The following VWC2 variants were observed in gnomAD, a reference collection of about 807,000 sequenced individuals.
The protein encoded by VWC2 is von Willebrand factor C domain containing 2.
A neutral mutation model predicts 29.8 loss-of-function variants in VWC2; 14 were observed. The ratio of observed to expected loss-of-function variants is 0.47; its 90% CI spans 0.31 to 0.74. The LOEUF (loss-of-function observed/expected upper bound fraction) is 0.74. VWC2 is among the 30% of genes least tolerant of loss of function. VWC2 has a pLI of 0.05. For missense variants in VWC2, 457 were observed against 459.8 expected (o/e 0.99, Z 0.05); for synonymous variants, 213 against 199.0 (o/e 1.07, Z -0.59).
At chr7:49,856,001 C>T (rs956549440) in intron 3 of VWC2, among the ~76,000 whole-genome samples, 2 of 152,284 alleles carry the variant, frequency 1.3e-5, no homozygotes, top group East Asian at 3.9e-4. Flanking sequence ...ATTTCTGCAA[C>T]CTGATTGAGA....
chr7:49,821,870 AT>A (rs892027858), intron 3 of VWC2, among the ~76,000 whole-genome samples: 1 of 152,230 alleles, frequency 6.6e-6, no homozygotes, highest in African/African-American at 2.4e-5. Context: ...GTCCCCTTGA[AT>A]TTGATTGTGT....
Position 49,912,269 on chromosome 7 carries a change from C to A in VWC2, c.*84C>A. ...CTAGATGACTCTGGGAACTATCAGT[C>A]AAAGAAGACTTTTGATGAGGAATAA... is the stretch of plus-strand genomic sequence containing the variant. On this transcript the variant is annotated 3_prime_UTR_variant, in exon 4 of 4. Coordinates refer to ENST00000340652, the MANE Select transcript of VWC2 (RefSeq NM_198570.5). 1 of 1,402,824 alleles carries A rather than the reference C, an allele frequency of 7.1e-7. No homozygotes were observed. Among genetic ancestry groups the A allele is most frequent in the Non-Finnish European group, 9.6e-7 (1 of 1,043,874 alleles). The allele number at this position is 1,402,824 out of a possible 1,614,324, so 86.9% of individuals were successfully genotyped here. A position where few individuals can be genotyped will look rare whatever the true frequency, so the allele number is the denominator to read the frequency against.
At chr7:49,900,539 G>T (rs1403074316) in intron 3 of VWC2, among the ~76,000 whole-genome samples, 3 of 151,636 alleles carry the variant, frequency 2.0e-5, no homozygotes, top group South Asian at 4.1e-4. Flanking sequence ...TCCTATTCCT[G>T]CAAGTTTAAT....
intron 3 of VWC2, among the ~76,000 whole-genome samples, chr7:49,810,105 G>A (rs1441816825): frequency 6.6e-6 from 1 of 151,682 alleles, no homozygotes; most frequent in Non-Finnish European, 1.5e-5. Flanking sequence ...TCCTGTATGT[G>A]AAAATACCAA....
At chr7:49,905,954 T>C (rs1793063799) in intron 3 of VWC2, among the ~76,000 whole-genome samples, 1 of 150,362 alleles carries the variant, frequency 6.7e-6, no homozygotes, top group Admixed American at 6.6e-5. Context: ...ATCAGGAAGT[T>C]ACCTTATATG....
intron 3 of VWC2, among the ~76,000 whole-genome samples, chr7:49,857,631 A>C (rs933122466): frequency 6.6e-6 from 1 of 152,326 alleles, no homozygotes. Context: ...ATGGCTATTA[A>C]CAAAAATCAA....
intron 2 of VWC2, among the ~76,000 whole-genome samples, chr7:49,799,319 C>A (rs1439140924): frequency 6.6e-6 from 1 of 152,238 alleles, no homozygotes; most frequent in Non-Finnish European, 1.5e-5. Flanking sequence ...AGGCAGGGTT[C>A]TTTTATGTGA....
chr7:49,827,922 CAATA>C (rs1382251208), intron 3 of VWC2, among the ~76,000 whole-genome samples: 3 of 152,164 alleles, frequency 2.0e-5, no homozygotes, highest in Non-Finnish European at 4.4e-5. Context: ...GGTTTACATA[CAATA>C]AAATGCACAA....
chr7:49,905,271 G>C (rs1458717019), intron 3 of VWC2, among the ~76,000 whole-genome samples: 2 of 152,180 alleles, frequency 1.3e-5, no homozygotes, highest in Non-Finnish European at 2.9e-5. Flanking sequence ...CTTATCATGA[G>C]AGTACATGAT....
chr7:49,891,369 C>T (rs1338995484), intron 3 of VWC2, among the ~76,000 whole-genome samples: 2 of 152,158 alleles, frequency 1.3e-5, no homozygotes, highest in African/African-American at 2.4e-5. Context: ...AGAGAGATGA[C>T]AATTCCATAA....
intron 3 of VWC2, among the ~76,000 whole-genome samples, chr7:49,880,925 C>A (rs1562749899): frequency 6.6e-6 from 1 of 152,154 alleles, no homozygotes; most frequent in Non-Finnish European, 1.5e-5. Flanking sequence ...TTCAGGGTGG[C>A]ATGATGTAAT....
At chr7:49,807,629 C>A (rs1788909102) in intron 3 of VWC2, among the ~76,000 whole-genome samples, 1 of 152,084 alleles carries the variant, frequency 6.6e-6, no homozygotes, top group Non-Finnish European at 1.5e-5. Flanking sequence ...AAAATCATTT[C>A]CAAACAGATT....
At position 49,912,263 on chromosome 7, in the gene VWC2, ATCAG is replaced by A; in HGVS notation, c.*82_*85del. The A allele has an allele frequency of 4.8e-6, 7 of 1,457,934 alleles. No individual in the cohort carries two copies. The highest frequency in any genetic ancestry group is 6.5e-6 in the Non-Finnish European group (7 of 1,081,974). The allele number at this position is 1,457,934 out of a possible 1,614,324, so 90.3% of individuals were successfully genotyped here. A position where few individuals can be genotyped will look rare whatever the true frequency, so the allele number is the denominator to read the frequency against. On this transcript the variant is annotated 3_prime_UTR_variant, in exon 4 of 4. Transcript: ENST00000340652. Reference sequence around the variant, plus strand: ...AACATTCTAGATGACTCTGGGAACTATCAGTCAAAGAAGACTTTTGATGAGGAAT... The same window carrying A: ...AACATTCTAGATGACTCTGGGAACTATCAAAGAAGACTTTTGATGAGGAAT...
chr7:49,884,070 G>C (rs1307355215), intron 3 of VWC2, among the ~76,000 whole-genome samples: 2 of 152,218 alleles, frequency 1.3e-5, no homozygotes, highest in African/African-American at 2.4e-5. Context: ...CACACTTCAA[G>C]AACCCTGAGC....
chr7:49,818,819 C>G (rs1352565425), intron 3 of VWC2, among the ~76,000 whole-genome samples: 2 of 146,544 alleles, frequency 1.4e-5, no homozygotes, highest in African/African-American at 5.0e-5. Flanking sequence ...GCAACAGCCT[C>G]CTTTATATAT....
At chr7:49,899,214 T>A (rs1437752898) in intron 3 of VWC2, among the ~76,000 whole-genome samples, 1 of 152,130 alleles carries the variant, frequency 6.6e-6, no homozygotes, top group African/African-American at 2.4e-5. Flanking sequence ...TTTTCCCTTA[T>A]AATAATGGGT....
intron 3 of VWC2, among the ~76,000 whole-genome samples, chr7:49,895,749 A>G (rs940037181): frequency 6.6e-6 from 1 of 152,024 alleles, no homozygotes; most frequent in Non-Finnish European, 1.5e-5. Context: ...CTTGTAATAT[A>G]TAGCATATAA....
At chr7:49,883,029 C>T (rs1397319657) in intron 3 of VWC2, among the ~76,000 whole-genome samples, 2 of 152,020 alleles carry the variant, frequency 1.3e-5, no homozygotes, top group Admixed American at 1.3e-4. Flanking sequence ...GATTAACATT[C>T]CCTCTTCCTC....
chr7:49,897,906 G>A (rs759114241), intron 3 of VWC2, among the ~76,000 whole-genome samples: 6 of 152,144 alleles, frequency 3.9e-5, no homozygotes, highest in African/African-American at 1.4e-4. Flanking sequence ...AGAAAAATTC[G>A]CTCACACTTC....
Sources: gnomAD v4.1 joint callset for allele counts (sites outside exome capture counted in the v4.1 genomes callset) on GRCh38, gnomAD v4.1.1 for gene constraint, MANE v1.5 for transcripts, NCBI Gene and HGNC (gene_info 2026-07-23, HGNC 2026-07-21) for gene names.